Variants in MMP26 observed in about 807,000 individuals in gnomAD.
MMP26 encodes the protein matrix metalloproteinase-26.
Under a neutral mutation model 31.0 loss-of-function variants are expected in MMP26, and 33 were observed. That is an observed-to-expected ratio of 1.06 (90% CI 0.81 to 1.42). The LOEUF is 1.42. Among genes scored for constraint, MMP26 ranks in the 40% most tolerant of loss-of-function variants. The pLI is 0.00. For synonymous variants in MMP26, 122 were observed against 114.9 expected (o/e 1.06, Z -0.40); for missense variants, 347 against 316.1 (o/e 1.10, Z -0.74).
At chr11:4,861,071 A>G (rs1202200580) in intron 2 of MMP26, among the ~76,000 whole-genome samples, 1 of 149,658 alleles carries the variant, frequency 6.7e-6, no homozygotes, top group Non-Finnish European at 1.5e-5. Context: ...ATATATATAT[A>G]TATATCATAT....
chr11:4,893,862 A>G (rs1850663023), intron 2 of MMP26, among the ~76,000 whole-genome samples: 1 of 152,096 alleles, frequency 6.6e-6, no homozygotes, highest in Non-Finnish European at 1.5e-5. Flanking sequence ...TGTTTTGGGA[A>G]GCTGAGACAG....
intron 2 of MMP26, among the ~76,000 whole-genome samples, chr11:4,798,305 A>G (rs1401100732): frequency 1.3e-5 from 2 of 152,152 alleles, no homozygotes; most frequent in Admixed American, 1.3e-4. Context: ...TGAGCCAGTG[A>G]CTTCAGGATT....
At chr11:4,830,325 C>G (rs981799237) in intron 2 of MMP26, 1 of 152,118 alleles carries the variant, frequency 6.6e-6, no homozygotes, top group Non-Finnish European at 1.5e-5. Flanking sequence ...GAGATCAACC[C>G]TATGTCTTTC....
chr11:4,975,889 G>A (rs767142745), intron 2 of MMP26, among the ~76,000 whole-genome samples: 7 of 151,940 alleles, frequency 4.6e-5, no homozygotes, highest in Non-Finnish European at 8.8e-5. Flanking sequence ...TTTAATCAAC[G>A]TACACTTTTT....
At chr11:4,812,079 A>G (rs1478321367) in intron 2 of MMP26, among the ~76,000 whole-genome samples, 1 of 152,162 alleles carries the variant, frequency 6.6e-6, no homozygotes, top group East Asian at 1.9e-4. Flanking sequence ...ACTTATAGTC[A>G]CGCCAATCTG....
chr11:4,914,328 T>G, intron 2 of MMP26: 1 of 165,940 alleles, frequency 6.0e-6, no homozygotes, highest in Non-Finnish European at 1.3e-5. Flanking sequence ...AGTGGTGGAA[T>G]GGAGGTGGAA....
At chr11:4,783,232 G>A (rs1454325034) in intron 2 of MMP26, among the ~76,000 whole-genome samples, 1 of 152,206 alleles carries the variant, frequency 6.6e-6, no homozygotes, top group Admixed American at 6.5e-5. Context: ...AAGGCCACAG[G>A]GGCAGACATG....
intron 2 of MMP26, chr11:4,832,123 C>G (rs1286599618): frequency 2.0e-5 from 3 of 152,924 alleles, no homozygotes; most frequent in Admixed American, 2.0e-4. Flanking sequence ...AAGCTAGTGA[C>G]CTATCTGTGA....
In MMP26 at chr11:4,953,721, A is replaced by G. The variant is rs1022401874; in HGVS notation, c.-144-34347A>G. Among the ~76,000 whole-genome samples, 8 of 125,370 alleles carry G rather than the reference A, an allele frequency of 6.4e-5. 1 individual carries two copies. The highest frequency in any genetic ancestry group is 2.2e-4 in the African/African-American group (8 of 36,902). The allele number at this position is 125,370 out of a possible 152,430, so 82.2% of individuals were successfully genotyped here. On this transcript the variant is annotated intron_variant, in intron 2 of 7. Transcript: ENST00000380390. ...AATGAATATCTGATGATGTTGAACA[A>G]GTAGAAAGGGTCCAGCTCATGTAGG...
intron 1 of MMP26, among the ~76,000 whole-genome samples, chr11:4,754,189 A>T (rs1456907598): frequency 6.6e-6 from 1 of 151,830 alleles, no homozygotes; most frequent in African/African-American, 2.4e-5. Flanking sequence ...ATGATATTGG[A>T]AATCAATCAC....
intron 2 of MMP26, among the ~76,000 whole-genome samples, chr11:4,853,827 A>G (rs866825200): frequency 1.1e-4 from 16 of 152,330 alleles, no homozygotes; most frequent in Middle Eastern, 3.4e-3. Context: ...AAGCCAAATC[A>G]TAACAAAAAA....
At chr11:4,835,566 G>A (rs1432365051) in intron 2 of MMP26, among the ~76,000 whole-genome samples, 1 of 152,150 alleles carries the variant, frequency 6.6e-6, no homozygotes, top group Non-Finnish European at 1.5e-5. Context: ...GTGTACAGGA[G>A]AGAGTGGGAA....
In MMP26 at chr11:4,914,835, C is replaced by T. The variant is rs780140469; in HGVS notation, c.-144-73233C>T. ...TACATGAAACCCATGACCACCTGGA[C>T]CAGGTGGGGTGCCTGCTTTCCAAAG... On this transcript the variant is annotated intron_variant, in intron 2 of 7. Transcript: ENST00000380390. 15 of 1,613,982 alleles carry T rather than the reference C, an allele frequency of 9.3e-6. 1 individual carries two copies. The Admixed American group carries it at 2.5e-4, about 27-fold the overall frequency.
intron 2 of MMP26, among the ~76,000 whole-genome samples, chr11:4,862,573 G>A (rs1850177321): frequency 2.6e-5 from 4 of 152,134 alleles, no homozygotes; most frequent in Admixed American, 2.6e-4. Flanking sequence ...GTCCTATGGT[G>A]TCTTTGTTCT....
intron 2 of MMP26, among the ~76,000 whole-genome samples, chr11:4,921,785 G>C (rs1851188144): frequency 6.6e-6 from 1 of 152,152 alleles, no homozygotes; most frequent in South Asian, 2.1e-4. Context: ...TCTTCACAGG[G>C]AAAGAAGAGG....
intron 2 of MMP26, among the ~76,000 whole-genome samples, chr11:4,976,260 T>C (rs1449367577): frequency 6.6e-6 from 1 of 152,070 alleles, no homozygotes; most frequent in Admixed American, 6.6e-5. Context: ...GTTCAGTATT[T>C]ATATGAAAGT....
At chr11:4,715,932 G>T (rs1434848677) in intron 1 of MMP26, among the ~76,000 whole-genome samples, 1 of 152,184 alleles carries the variant, frequency 6.6e-6, no homozygotes, top group Non-Finnish European at 1.5e-5. Flanking sequence ...TAATCAAAAG[G>T]AAGACTATCC....
At chr11:4,821,959 T>C in intron 2 of MMP26, 3 of 1,614,066 alleles carry the variant, frequency 1.9e-6, no homozygotes, top group Non-Finnish European at 2.5e-6. Flanking sequence ...TTCACATTCT[T>C]ACTGCTACCA....
At chr11:4,968,574 C>A (rs1463668677) in intron 2 of MMP26, among the ~76,000 whole-genome samples, 1 of 151,784 alleles carries the variant, frequency 6.6e-6, no homozygotes, top group Non-Finnish European at 1.5e-5. Context: ...TTTATCATAG[C>A]ATAAATAGCA....
Sources: allele counts gnomAD v4.1 joint callset (sites outside exome capture counted in the v4.1 genomes callset), GRCh38; gene constraint gnomAD v4.1.1; transcripts MANE v1.5; gene names NCBI Gene and HGNC (gene_info 2026-07-23, HGNC 2026-07-21).